The following HMGB1 variants were observed in gnomAD, a reference collection of about 807,000 sequenced individuals.
HMGB1 encodes high mobility group protein B1.
For synonymous variants in HMGB1, 81 were observed against 84.0 expected (o/e 0.96, Z 0.19); for missense variants, 79 against 253.5 (o/e 0.31, Z 4.67).
intron 1 of HMGB1, chr13:30,553,759 A>AT: frequency 7.2e-7 from 1 of 1,382,384 alleles, no homozygotes; most frequent in Admixed American, 1.7e-5. Flanking sequence ...AATGAGTCCC[A>AT]TGACTATCTT....
chr13:30,458,939 TAATC>T lies in HMGB1; in HGVS notation c.*2414_*2417del, dbSNP rs778667650. ...AGCAAAGTTAGGAAATTTGACTCGT[TAATC>T]AATATGCCATATGCCTATCTTTAAA... On this transcript the variant is annotated 3_prime_UTR_variant, in exon 5 of 5. Transcript: ENST00000341423. 5 of 152,360 alleles carry T rather than the reference TAATC, an allele frequency of 3.3e-5. No homozygotes were observed. Among genetic ancestry groups the T allele is most frequent in the East Asian group, 1.9e-4 (1 of 5,192 alleles). The allele number at this position is 152,360 out of a possible 1,614,324, so 9.4% of individuals were successfully genotyped here.
intron 1 of HMGB1, among the ~76,000 whole-genome samples, chr13:30,483,085 G>C (rs747559177): frequency 1.3e-5 from 2 of 151,904 alleles, no homozygotes; most frequent in Non-Finnish European, 2.9e-5. Flanking sequence ...GAGCCACCAT[G>C]GCTGGTCCTT....
intron 1 of HMGB1, among the ~76,000 whole-genome samples, chr13:30,531,549 TGTGTGTG>T (rs930317007): frequency 1.3e-5 from 2 of 151,512 alleles, no homozygotes; most frequent in African/African-American, 4.9e-5. Flanking sequence ...TGTGTGTGTG[TGTGTGTG>T]TTTTCAGCGA....
intron 1 of HMGB1, among the ~76,000 whole-genome samples, chr13:30,525,240 T>C (rs1003385877): frequency 2.0e-5 from 3 of 152,212 alleles, no homozygotes; most frequent in African/African-American, 7.2e-5. Context: ...TGCTTTGACA[T>C]TGTATGTTCC....
intron 1 of HMGB1, among the ~76,000 whole-genome samples, chr13:30,538,759 CTCTT>C (rs1368208723): frequency 4.1e-5 from 5 of 121,824 alleles, no homozygotes; most frequent in Admixed American, 1.7e-4. Flanking sequence ...TTCTTTCTTT[CTCTT>C]TCTCTCTCTC....
intron 1 of HMGB1, among the ~76,000 whole-genome samples, chr13:30,516,755 A>G (rs1484156259): frequency 6.6e-6 from 1 of 152,046 alleles, no homozygotes. Context: ...CTGTCTATAC[A>G]AAAAATAAAA....
chr13:30,489,749 T>C lies in HMGB1; in HGVS notation c.-14-26055A>G, dbSNP rs1887441580. On this transcript the variant is annotated intron_variant, in intron 1 of 4. Coordinates refer to the HMGB1 transcript ENST00000405805. ...ATGGAATTTCTTTTTTTTTTTTTTT[T>C]CCTGAGACGGAGTCTCGCTCTGTCG... is the stretch of plus-strand genomic sequence containing the variant. Among the ~76,000 whole-genome samples the C allele has an allele frequency of 2.0e-5, 3 of 147,012 alleles. No homozygotes were observed. The South Asian group carries it at 6.5e-4, about 32-fold the overall frequency.
intron 1 of HMGB1, among the ~76,000 whole-genome samples, chr13:30,529,967 T>C (rs1888458196): frequency 6.6e-6 from 1 of 152,158 alleles, no homozygotes; most frequent in Non-Finnish European, 1.5e-5. Context: ...TCCAAATGGA[T>C]GGTGGCAATA....
intron 1 of HMGB1, among the ~76,000 whole-genome samples, chr13:30,511,364 T>C (rs533611716): frequency 1.3e-5 from 2 of 152,176 alleles, no homozygotes; most frequent in East Asian, 1.9e-4. Context: ...CCTGAGGTAA[T>C]GAGTGAGAGC....
At chr13:30,587,844 G>A (rs921236074) in intron 1 of HMGB1, among the ~76,000 whole-genome samples, 1 of 152,196 alleles carries the variant, frequency 6.6e-6, no homozygotes, top group Admixed American at 6.5e-5. Context: ...AGATATTTCT[G>A]AGGAACAAAC....
intron 1 of HMGB1, among the ~76,000 whole-genome samples, chr13:30,584,624 A>C (rs1201823945): frequency 6.6e-6 from 1 of 152,230 alleles, no homozygotes; most frequent in African/African-American, 2.4e-5. Flanking sequence ...CATTTTACTT[A>C]TATAATTTCA....
intron 1 of HMGB1, among the ~76,000 whole-genome samples, chr13:30,538,498 C>CT (rs1229120069): frequency 6.3e-5 from 1 of 15,798 alleles, no homozygotes; most frequent in South Asian, 3.4e-3. Flanking sequence ...TTCTTTCTTT[C>CT]TTTCTTTCTT....
chr13:30,555,320 C>T (rs1869640766), intron 1 of HMGB1, among the ~76,000 whole-genome samples: 2 of 152,150 alleles, frequency 1.3e-5, no homozygotes, highest in East Asian at 1.9e-4. Context: ...GGATTACAGG[C>T]GTGAGCCACC....
chr13:30,504,988 TGAGA>T (rs771580893), intron 1 of HMGB1, among the ~76,000 whole-genome samples: 1 of 152,134 alleles, frequency 6.6e-6, no homozygotes, highest in South Asian at 2.1e-4. Context: ...TTTTTCTTTT[TGAGA>T]GAGAGTCTCA....
intron 1 of HMGB1, among the ~76,000 whole-genome samples, chr13:30,495,774 G>A (rs1052859155): frequency 5.3e-5 from 8 of 152,112 alleles, no homozygotes; most frequent in Admixed American, 2.0e-4. Context: ...CACTGCACCC[G>A]GCCAATATTT....
intron 1 of HMGB1, among the ~76,000 whole-genome samples, chr13:30,478,874 T>TC: frequency 6.7e-6 from 1 of 148,600 alleles, no homozygotes; most frequent in East Asian, 1.9e-4. Flanking sequence ...TTCTTTTCTT[T>TC]TTTTTTTTTT....
chr13:30,502,681 C>T (rs1225299267), intron 1 of HMGB1, among the ~76,000 whole-genome samples: 2 of 32,300 alleles, frequency 6.2e-5, no homozygotes, highest in African/African-American at 9.8e-5. Flanking sequence ...TATTTTGAGA[C>T]AGGGTCTCAC....
At chr13:30,531,638 G>T (rs928451359) in intron 1 of HMGB1, among the ~76,000 whole-genome samples, 54 of 151,450 alleles carry the variant, frequency 3.6e-4, no homozygotes, top group Middle Eastern at 6.8e-3. Flanking sequence ...GGTGGCTCAC[G>T]CCTGTAATCC....
chr13:30,486,289 C>T (rs1887361245), intron 1 of HMGB1, among the ~76,000 whole-genome samples: 1 of 152,192 alleles, frequency 6.6e-6, no homozygotes, highest in African/African-American at 2.4e-5. Context: ...CATATGGTCC[C>T]ACATGGGCAG....
Sources: allele counts gnomAD v4.1 joint callset (sites outside exome capture counted in the v4.1 genomes callset), GRCh38; gene constraint gnomAD v4.1.1; transcripts MANE v1.5; gene names NCBI Gene and HGNC (gene_info 2026-07-23, HGNC 2026-07-21).